Variants in KCNQ1OT1 observed in about 807,000 individuals in gnomAD.
The protein encoded by KCNQ1OT1 is KCNQ1 opposite strand/antisense transcript 1.
In KCNQ1OT1 at chr11:2,678,005, A is replaced by G. The variant is rs1850323469; in HGVS notation, n.21990T>C. 1 of 360,326 alleles carries G rather than the reference A, an allele frequency of 2.8e-6. No individual in the cohort carries two copies. The highest frequency in any genetic ancestry group is 4.6e-6 in the Non-Finnish European group (1 of 218,174). 22.3% of individuals were successfully genotyped at this position (360,326 alleles called of 1,614,324 possible). On this transcript the variant is annotated non_coding_transcript_exon_variant, in exon 1 of 1. Transcript: ENST00000597346. The surrounding 1 kb of genome is among the most constrained non-coding windows in gnomAD (Gnocchi z 4.9). The stretch of plus-strand genomic sequence containing the variant: ...TGGAAATGAGGTTTTTATCTTTCCA[A>G]ATGCTTAAAATCATTTGTTTTTCTT...
Position 2,663,050 on chromosome 11 carries a change from C to T in KCNQ1OT1, n.36945G>A, listed in dbSNP as rs1849997389. 2.5e-6 allele frequency: 1 copy of T among 398,650 alleles called. No individual in the cohort carries two copies. Among genetic ancestry groups the T allele is most frequent in the Admixed American group, 4.4e-5 (1 of 22,706 alleles). 24.7% of individuals were successfully genotyped at this position (398,650 alleles called of 1,614,324 possible). ...TGGTGCTGGGGGCTGCAGGTGTAAC[C>T]AGAGAACTGGCAGGGTTGGGTAGCC... On this transcript the variant is annotated non_coding_transcript_exon_variant, in exon 1 of 1. Transcript: ENST00000597346. The surrounding 1 kb of genome is among the most constrained non-coding windows in gnomAD (Gnocchi z 5.2).
chr11:2,670,404 T>G lies in KCNQ1OT1; in HGVS notation n.29591A>C. 2.5e-6 allele frequency: 1 copy of G among 398,234 alleles called. No individual in the cohort carries two copies. 24.7% of individuals were successfully genotyped at this position (398,234 alleles called of 1,614,324 possible). A position where few individuals can be genotyped will look rare whatever the true frequency, so the allele number is the denominator to read the frequency against. Reference sequence around the variant, plus strand: ...GAGCATTAACCAGACACCTACTATGTGTATTTCTTGTGTTGGGGTTAGGAG... The same window carrying G: ...GAGCATTAACCAGACACCTACTATGGGTATTTCTTGTGTTGGGGTTAGGAG... On this transcript the variant is annotated non_coding_transcript_exon_variant, in exon 1 of 1. Coordinates refer to ENST00000597346, the Ensembl canonical transcript of KCNQ1OT1. This position sits in a 1 kb window ranked among gnomAD's most constrained non-coding sequence, Gnocchi z 4.9.
Position 2,669,433 on chromosome 11 carries a change from A to G in KCNQ1OT1, n.30562T>C, listed in dbSNP as rs769799995. ...CCCTTGTTTATTTAGGTTGACTTTC[A>G]TATCTTTTACCTTGCCCTGTAGTTT... On this transcript the variant is annotated non_coding_transcript_exon_variant, in exon 1 of 1. Coordinates refer to ENST00000597346, the Ensembl canonical transcript of KCNQ1OT1. This position sits in a 1 kb window ranked among gnomAD's most constrained non-coding sequence, Gnocchi z 5.6. 1.2e-4 allele frequency: 48 copies of G among 398,484 alleles called. No individual in the cohort carries two copies. The highest frequency in any genetic ancestry group is 4.0e-4 in the Admixed American group (9 of 22,714). The allele number at this position is 398,484 out of a possible 1,614,324, so 24.7% of individuals were successfully genotyped here.
Position 2,627,707 on chromosome 11 carries a change from T to G in KCNQ1OT1, n.72288A>C, listed in dbSNP as rs551640349. ...GTGTGTGTCTGTATGTATATGTATG[T>G]GATGTGTTTATTTGGGAATTTGGTG... On this transcript the variant is annotated non_coding_transcript_exon_variant, in exon 1 of 1. Coordinates refer to ENST00000597346, the Ensembl canonical transcript of KCNQ1OT1. This position sits in a 1 kb window ranked among gnomAD's most constrained non-coding sequence, Gnocchi z 4.9. 13 of 398,520 alleles carry G rather than the reference T, an allele frequency of 3.3e-5. No homozygotes were observed. The South Asian group carries it at 1.1e-3, about 35-fold the overall frequency. The allele number at this position is 398,520 out of a possible 1,614,324, so 24.7% of individuals were successfully genotyped here. A position where few individuals can be genotyped will look rare whatever the true frequency, so the allele number is the denominator to read the frequency against.
exon 1 of KCNQ1OT1, chr11:2,643,882 C>G (rs984883517): frequency 4.0e-5 from 16 of 398,410 alleles, no homozygotes; most frequent in African/African-American, 2.3e-4. Context: ...TCCTGGCTGG[C>G]AGGTTTTTGG....
At chr11:2,680,993 T>C (rs1850387368) in exon 1 of KCNQ1OT1, 2 of 398,508 alleles carry the variant, frequency 5.0e-6, no homozygotes, top group South Asian at 1.3e-4. Context: ...ATAGGTGAAA[T>C]AGGTATGTGT....
exon 1 of KCNQ1OT1, chr11:2,697,362 C>G (rs1252141410): frequency 2.5e-6 from 1 of 398,478 alleles, no homozygotes. Flanking sequence ...CACTTCCTAC[C>G]TGATCCTCAC....
rs1404220184 is a variant in KCNQ1OT1, at chr11:2,651,637, G to A, written n.48358C>T. On this transcript the variant is annotated non_coding_transcript_exon_variant, in exon 1 of 1. Transcript: ENST00000597346. The surrounding 1 kb of genome is among the most constrained non-coding windows in gnomAD (Gnocchi z 6.1). ...TGCTGATCTGCCTGCCCCACCTGGG[G>A]TCTCTGTCTCTCCCACAGCTCACTG... The A allele has an allele frequency of 2.5e-6, 1 of 398,680 alleles. No individual in the cohort carries two copies. Among genetic ancestry groups the A allele is most frequent in the Non-Finnish European group, 4.4e-6 (1 of 226,106 alleles). The allele number at this position is 398,680 out of a possible 1,614,324, so 24.7% of individuals were successfully genotyped here. A position where few individuals can be genotyped will look rare whatever the true frequency, so the allele number is the denominator to read the frequency against.
At position 2,698,640 on chromosome 11, in the gene KCNQ1OT1, C is replaced by A. The variant is rs1463803776; in HGVS notation, n.1355G>T. 5 of 398,514 alleles carry A rather than the reference C, an allele frequency of 1.3e-5. No individual in the cohort carries two copies. The highest frequency in any genetic ancestry group is 1.0e-4 in the African/African-American group (5 of 48,558). 24.7% of individuals were successfully genotyped at this position (398,514 alleles called of 1,614,324 possible). Reference sequence around the variant, plus strand: ...CCCATACCCCACTGAGACCTCTAACCCCAATCCCAATCTCTTAACTCAGAG... The same window carrying A: ...CCCATACCCCACTGAGACCTCTAACACCAATCCCAATCTCTTAACTCAGAG... On this transcript the variant is annotated non_coding_transcript_exon_variant, in exon 1 of 1. Transcript: ENST00000597346. The surrounding 1 kb of genome is among the most constrained non-coding windows in gnomAD (Gnocchi z 5.1).
In KCNQ1OT1 at chr11:2,678,973, G is replaced by C. The variant is rs1850341518; in HGVS notation, n.21022C>G. The C allele has an allele frequency of 2.5e-6, 1 of 398,574 alleles. No individual in the cohort carries two copies. The highest frequency in any genetic ancestry group is 4.4e-6 in the Non-Finnish European group (1 of 226,060). The allele number at this position is 398,574 out of a possible 1,614,324, so 24.7% of individuals were successfully genotyped here. ...TCAATAGAGAACAAAAGAGCAAATA[G>C]GCCTAATTCAAGAATTTTTAAAAAC... On this transcript the variant is annotated non_coding_transcript_exon_variant, in exon 1 of 1. Transcript: ENST00000597346. This position sits in a 1 kb window ranked among gnomAD's most constrained non-coding sequence, Gnocchi z 4.9.
exon 1 of KCNQ1OT1, chr11:2,648,346 T>C (rs1339018477): frequency 2.5e-6 from 1 of 398,532 alleles, no homozygotes; most frequent in African/African-American, 2.1e-5. Context: ...TCTAGTTCCT[T>C]GAGATGCGTT....
At chr11:2,636,293 C>T (rs1017195028) in exon 1 of KCNQ1OT1, 1 of 152,204 alleles carries the variant, frequency 6.6e-6, no homozygotes, top group East Asian at 1.9e-4. Flanking sequence ...CCAGTTTTTG[C>T]TCATTCAGTA....
At position 2,640,164 on chromosome 11, in the gene KCNQ1OT1, C is replaced by T. The variant is rs150513504; in HGVS notation, n.59831G>A. On this transcript the variant is annotated non_coding_transcript_exon_variant, in exon 1 of 1. Coordinates refer to ENST00000597346, the Ensembl canonical transcript of KCNQ1OT1. The stretch of plus-strand genomic sequence containing the variant: ...GACCCCTTGTGCTTCCCAGGTGAGG[C>T]GATGCCTCGCCCTACTTCGTCTCAC... The T allele has an allele frequency of 6.5e-3, 2,445 of 373,656 alleles. 17 individuals carry two copies. Among genetic ancestry groups the T allele is most frequent in the Middle Eastern group, 0.015 (22 of 1,466 alleles). 23.1% of individuals were successfully genotyped at this position (373,656 alleles called of 1,614,324 possible). A position where few individuals can be genotyped will look rare whatever the true frequency, so the allele number is the denominator to read the frequency against.
chr11:2,662,624 C>T (rs959360896), exon 1 of KCNQ1OT1: 5 of 410,582 alleles, frequency 1.2e-5, no homozygotes, highest in African/African-American at 1.0e-4. Flanking sequence ...CCAGGCCAAT[C>T]CCCGGTGCCC....
At chr11:2,649,149 A>G (rs463337) in exon 1 of KCNQ1OT1, 43,135 of 397,544 alleles carry the variant, frequency 0.11, 2,596 homozygotes, top group Middle Eastern at 0.16. Context: ...ATTGGGTTTT[A>G]TTTTTTTAAT....
rs539119916 is a variant in KCNQ1OT1 at position 2,652,294 on chromosome 11, CCTCA to C, written n.47697_47700del. 3.8e-5 allele frequency: 15 copies of C among 398,536 alleles called. No individual in the cohort carries two copies. Among genetic ancestry groups the C allele is most frequent in the Non-Finnish European group, 6.2e-5 (14 of 226,090 alleles). The allele number at this position is 398,536 out of a possible 1,614,324, so 24.7% of individuals were successfully genotyped here. ...TCTGCACCGGTTTCCAAGGCTTCTC[CCTCA>C]CTAATTGCTTTGATTATTGTGTGAA... On this transcript the variant is annotated non_coding_transcript_exon_variant, in exon 1 of 1. Coordinates refer to ENST00000597346, the Ensembl canonical transcript of KCNQ1OT1. The surrounding 1 kb of genome is among the most constrained non-coding windows in gnomAD (Gnocchi z 5.9).
exon 1 of KCNQ1OT1, chr11:2,649,129 G>A (rs1849718314): frequency 5.0e-6 from 2 of 397,440 alleles, no homozygotes; most frequent in African/African-American, 4.1e-5. Context: ...TTTCTTATAG[G>A]CAGCATGTAA....
chr11:2,665,587 C>T (rs1564850816), exon 1 of KCNQ1OT1: 1 of 396,250 alleles, frequency 2.5e-6, no homozygotes, highest in Non-Finnish European at 4.4e-6. Flanking sequence ...AACGTCTGCT[C>T]AGTAAACCCC....
exon 1 of KCNQ1OT1, chr11:2,696,598 C>A (rs2283193): frequency 5.0e-6 from 2 of 398,362 alleles, no homozygotes; most frequent in Admixed American, 8.8e-5. Flanking sequence ...TACTCAAGCC[C>A]TCCAACTGGA....
Sources: allele counts gnomAD v4.1 joint callset, GRCh38; gene constraint gnomAD v4.1.1; non-coding constraint Gnocchi (gnomAD v3.1); transcripts MANE v1.5; gene names NCBI Gene and HGNC (gene_info 2026-07-23, HGNC 2026-07-21).